The following MSMB variants were observed in gnomAD, a reference collection of about 807,000 sequenced individuals.
The protein encoded by MSMB is microseminoprotein beta.
Under a neutral mutation model 10.5 loss-of-function variants are expected in MSMB, and 10 were observed. The observed-to-expected ratio is 0.95, with a 90% CI of 0.59 to 1.62. MSMB has a LOEUF of 1.62. Ranked by LOEUF, MSMB falls within the 40% of genes most tolerant of loss-of-function variation. The pLI is 0.00. For synonymous variants in MSMB, 43 were observed against 46.5 expected, an observed-to-expected ratio of 0.93 and a Z score of 0.30; for missense variants, 126 against 137.4, an observed-to-expected ratio of 0.92 and a Z score of 0.42.
chr10:46,045,494 C>G (rs1840874426), intron 1 of MSMB, among the ~76,000 whole-genome samples: 1 of 152,096 alleles, frequency 6.6e-6, no homozygotes, highest in African/African-American at 2.4e-5. Context: ...GACTGCACCA[C>G]TGCACTCCAG....
chr10:46,036,095 C>T (rs1052290376), intron 3 of MSMB, among the ~76,000 whole-genome samples: 9 of 152,136 alleles, frequency 5.9e-5, no homozygotes, highest in Non-Finnish European at 1.3e-4. Flanking sequence ...CCTTTTGTCT[C>T]CCACTCCCTT....
At chr10:46,043,175 C>G (rs1554928862) in intron 1 of MSMB, among the ~76,000 whole-genome samples, 1 of 152,050 alleles carries the variant, frequency 6.6e-6, no homozygotes, top group Non-Finnish European at 1.5e-5. Flanking sequence ...TCTTGGGGAT[C>G]TGGTTTCACT....
intron 1 of MSMB, among the ~76,000 whole-genome samples, chr10:46,040,606 C>G (rs1320320737): frequency 6.6e-6 from 1 of 152,158 alleles, no homozygotes; most frequent in African/African-American, 2.4e-5. Flanking sequence ...TCGAAAAGAC[C>G]AATTTGCTTT....
chr10:46,044,437 G>A (rs564499780), intron 1 of MSMB, among the ~76,000 whole-genome samples: 2 of 147,056 alleles, frequency 1.4e-5, no homozygotes, highest in Non-Finnish European at 3.0e-5. Context: ...TTAGCTGGGC[G>A]TGGTGGCGGG....
At chr10:46,038,874 A>G in intron 3 of MSMB, 92 bp downstream of exon 3, 1 of 1,058,180 alleles carries the variant, frequency 9.5e-7, no homozygotes, top group Non-Finnish European at 1.4e-6. Context: ...CAAAAACTAA[A>G]CCCCTGAAGA....
At chr10:46,046,204 C>G in intron 1 of MSMB, 31 bp downstream of exon 1, 1 of 1,604,174 alleles carries the variant, frequency 6.2e-7, no homozygotes. Flanking sequence ...TTTTGCTTTT[C>G]TAGCCTTTAT....
At chr10:46,037,347 A>G (rs1840633065) in intron 3 of MSMB, among the ~76,000 whole-genome samples, 1 of 152,154 alleles carries the variant, frequency 6.6e-6, no homozygotes, top group Non-Finnish European at 1.5e-5. Flanking sequence ...CCTTGACACC[A>G]ATGCTCTGCC....
chr10:46,039,967 T>C lies in MSMB; in HGVS notation c.109+19A>G, dbSNP rs2093563033. On this transcript the variant is annotated intron_variant, in intron 2 of 3. Coordinates refer to ENST00000582163, the MANE Select transcript of MSMB (RefSeq NM_002443.4). ...CCAGGCTGCAATAACATAATAAACATTGAAAAGCCAAGACTTACTCCTGGT... is the reference window on the plus strand; with the variant it reads ...CCAGGCTGCAATAACATAATAAACACTGAAAAGCCAAGACTTACTCCTGGT... 1 of 1,587,990 alleles carries C rather than the reference T, an allele frequency of 6.3e-7. No individual in the cohort carries two copies. Among genetic ancestry groups the C allele is most frequent in the Non-Finnish European group, 8.6e-7 (1 of 1,156,802 alleles).
At chr10:46,043,408 T>TCTCCCTCC (rs1259219941) in intron 1 of MSMB, among the ~76,000 whole-genome samples, 6 of 150,890 alleles carry the variant, frequency 4.0e-5, no homozygotes, top group South Asian at 4.2e-4. Context: ...TCTCTCTCTC[T>TCTCCCTCC]CTCCCTCCCT....
intron 1 of MSMB, among the ~76,000 whole-genome samples, chr10:46,040,736 T>C (rs563557813): frequency 1.3e-4 from 19 of 151,932 alleles, no homozygotes; most frequent in Non-Finnish European, 2.6e-4. Flanking sequence ...GGGTGGATCA[T>C]GAGGTCAGGA....
intron 1 of MSMB, among the ~76,000 whole-genome samples, chr10:46,040,402 T>C (rs1441316917): frequency 6.6e-6 from 1 of 152,166 alleles, no homozygotes; most frequent in African/African-American, 2.4e-5. Context: ...TGAGCTGCAC[T>C]GGGCCCAACA....
chr10:46,033,470 C>A lies in MSMB; in HGVS notation c.297G>T (p.Glu99Asp). The change falls in exon 4 of 4, where the codon GAG (glutamate) becomes GAT (aspartate). Residue 99 changes from glutamate to aspartate, a missense_variant. By Grantham distance (45) the Glu-to-Asp change is conservative. Transcript: ENST00000582163. ...AACAGGTCTTTTTTGGGTCCTTCTT[C>A]TCCACCACGATATACTTGCAGTCCT... ...KKEDCKYIVV[E>D]KKDPKKTCSV... 6.2e-7 allele frequency: 1 copy of A among 1,614,028 alleles called. No homozygotes were observed. Among genetic ancestry groups the A allele is most frequent in the African/African-American group, 1.3e-5 (1 of 75,040 alleles).
intron 3 of MSMB, among the ~76,000 whole-genome samples, chr10:46,036,761 CCAGCCTA>C (rs1330941745): frequency 6.6e-6 from 1 of 152,134 alleles, no homozygotes; most frequent in Non-Finnish European, 1.5e-5. Flanking sequence ...CACGAGAATC[CCAGCCTA>C]CAGTGGAGAA....
intron 1 of MSMB, among the ~76,000 whole-genome samples, chr10:46,044,372 C>T (rs1237342204): frequency 2.7e-5 from 4 of 150,094 alleles, no homozygotes; most frequent in East Asian, 2.0e-4. Context: ...GTCAGGAGAT[C>T]GAGACCATCC....
At chr10:46,044,247 G>T (rs1463779141) in intron 1 of MSMB, among the ~76,000 whole-genome samples, 2 of 152,096 alleles carry the variant, frequency 1.3e-5, no homozygotes, top group African/African-American at 4.8e-5. Flanking sequence ...GGTACAGCGA[G>T]CCTTGAGGTG....
chr10:46,033,367 G>A lies in MSMB; in HGVS notation c.*55C>T, dbSNP rs1138806. On this transcript the variant is annotated 3_prime_UTR_variant, in exon 4 of 4. Transcript: ENST00000582163. ...ATGGCTACACAATCATTGACTATTAGAGGCCAGAGGAGAATGAGGCCTGGC... is the reference window on the plus strand; with the variant it reads ...ATGGCTACACAATCATTGACTATTAAAGGCCAGAGGAGAATGAGGCCTGGC... 2 of 1,594,484 alleles carry A rather than the reference G, an allele frequency of 1.3e-6. No homozygotes were observed. Among genetic ancestry groups the A allele is most frequent in the Non-Finnish European group, 1.7e-6 (2 of 1,169,240 alleles).
At chr10:46,046,118 C>T (rs528479740) in intron 1 of MSMB, 117 bp downstream of exon 1, 4 of 1,092,712 alleles carry the variant, frequency 3.7e-6, no homozygotes, top group South Asian at 1.3e-5. Context: ...ACATAAGGTT[C>T]CTAACTAGGT....
intron 1 of MSMB, among the ~76,000 whole-genome samples, chr10:46,043,854 T>C (rs1840811038): frequency 6.6e-6 from 1 of 152,124 alleles, no homozygotes; most frequent in African/African-American, 2.4e-5. Flanking sequence ...TTTGTATTTG[T>C]AGTAGAGACG....
chr10:46,040,909 T>C (rs10994295), intron 1 of MSMB, among the ~76,000 whole-genome samples: 38,843 of 150,360 alleles, frequency 0.26, 6,229 homozygotes, highest in African/African-American at 0.47. Context: ...AGCCGAGATC[T>C]GGCCACTGCA....
Sources: allele counts gnomAD v4.1 joint callset (sites outside exome capture counted in the v4.1 genomes callset), GRCh38; gene constraint gnomAD v4.1.1; transcripts MANE v1.5; gene names NCBI Gene and HGNC (gene_info 2026-07-23, HGNC 2026-07-21).